Variants in PCSK7 observed in about 807,000 individuals in gnomAD.
PCSK7 encodes proprotein convertase subtilisin/kexin type 7.
Under a neutral mutation model 73.3 loss-of-function variants are expected in PCSK7, and 38 were observed. That is an observed-to-expected ratio of 0.52 (90% CI 0.40 to 0.68). PCSK7 has a LOEUF of 0.68. PCSK7 is among the 30% of genes least tolerant of loss of function. The pLI is 0.00. For missense variants in PCSK7, 692 were observed against 991.5 expected (o/e 0.70, Z 4.06); for synonymous variants, 296 against 383.8 (o/e 0.77, Z 2.68).
At chr11:117,223,404 G>T in intron 8 of PCSK7, 96 bp from the exon 9 acceptor site, 2 of 766,724 alleles carry the variant, frequency 2.6e-6, no homozygotes, top group African/African-American at 3.4e-5. Flanking sequence ...CCATCCTGGG[G>T]GGCTGTCCTG....
chr11:117,215,942 GCA>G lies in PCSK7; in HGVS notation c.1534+2522_1534+2523del, dbSNP rs1326828920. 1.3e-4 allele frequency: 20 copies of G among 152,066 alleles called. 1 individual carries two copies. The highest frequency in any genetic ancestry group is 4.8e-4 in the African/African-American group (20 of 41,484). The allele number at this position is 152,066 out of a possible 1,614,324, so 9.4% of individuals were successfully genotyped here. The stretch of plus-strand genomic sequence containing the variant: ...GCAACCATGGCTTACTGCAGCCTTG[GCA>G]TCCTGGGCTCAAGGAATCCTCCTGT... On this transcript the variant is annotated intron_variant, in intron 12 of 16. Coordinates refer to ENST00000320934, the MANE Select transcript of PCSK7 (RefSeq NM_004716.4).
At chr11:117,215,364 T>TTTTTTTTTTTTTTGTG (rs57433360) in intron 12 of PCSK7, 1 of 84,920 alleles carries the variant, frequency 1.2e-5, no homozygotes, top group Non-Finnish European at 2.0e-5. Flanking sequence ...CCTGGCTAAT[T>TTTTTTTTTTTTTTGTG]TGTGTGTGTG....
In PCSK7 at chr11:117,226,013, C is replaced by T. The variant is rs1304331787; in HGVS notation, c.778G>A (p.Val260Ile). The change falls in exon 6 of 17, where the codon GTA becomes ATA. Residue 260 changes from valine to isoleucine, a missense_variant. Around this residue, in one of 6 missense-constraint regions of PCSK7, gnomAD observed 574 missense variants for 689.8 expected, o/e 0.83. Transcript: ENST00000320934. ...AYGSRIAGIR[V>I]LDGPLTDSME... Reference sequence around the variant, plus strand: ...CTGTCTGTGAGAGGTCCATCCAGTACCCGGATACCTAGGCAATGAAGGCCA... The same window carrying T: ...CTGTCTGTGAGAGGTCCATCCAGTATCCGGATACCTAGGCAATGAAGGCCA... The T allele has an allele frequency of 1.3e-6, 2 of 1,599,246 alleles. No homozygotes were observed. Among genetic ancestry groups the T allele is most frequent in the East Asian group, 2.2e-5 (1 of 44,804 alleles).
intron 5 of PCSK7, 40 bp from the exon 6 acceptor site, chr11:117,226,061 G>T: frequency 2.6e-6 from 3 of 1,144,070 alleles, no homozygotes; most frequent in Non-Finnish European, 4.0e-6. Context: ...ACTAATGCTG[G>T]TCTCCTAGCC....
intron 6 of PCSK7, 46 bp from the exon 7 acceptor site, chr11:117,224,801 C>A (rs189150064): frequency 6.9e-7 from 1 of 1,440,966 alleles, no homozygotes; most frequent in Admixed American, 1.7e-5. Context: ...AGCCAGGCTG[C>A]GGCTACCCAC....
At chr11:117,223,677 T>G (rs1024321344) in intron 8 of PCSK7, 7 of 349,274 alleles carry the variant, frequency 2.0e-5, no homozygotes, top group Non-Finnish European at 3.7e-5. Context: ...AGTCCTAGTC[T>G]CGAGGAGCCT....
chr11:117,209,772 A>G (rs1355668766), intron 12 of PCSK7: 1 of 153,160 alleles, frequency 6.5e-6, no homozygotes, highest in African/African-American at 2.4e-5. Context: ...TGAGCCTGGG[A>G]GGTGGAGATT....
chr11:117,223,951 C>T, intron 8 of PCSK7, 127 bp downstream of exon 8: 2 of 979,298 alleles, frequency 2.0e-6, no homozygotes, highest in Admixed American at 1.8e-5. Flanking sequence ...CAGGGCTAGT[C>T]CTATCTGAGC....
rs36014587 is a variant in PCSK7, at chr11:117,204,760, C to CAAAA, written c.*1233_*1236dup. 1.1e-4 allele frequency: 20 copies of CAAAA among 175,080 alleles called. No individual in the cohort carries two copies. Among genetic ancestry groups the CAAAA allele is most frequent in the African/African-American group, 2.8e-4 (10 of 35,910 alleles). The allele number at this position is 175,080 out of a possible 1,614,324, so 10.8% of individuals were successfully genotyped here. On this transcript the variant is annotated 3_prime_UTR_variant, in exon 17 of 17. Coordinates refer to ENST00000320934, the MANE Select transcript of PCSK7 (RefSeq NM_004716.4). ...CTGGAATATTTTTGGGGTTGGAACT[C>CAAAA]AAAAAAAAAAAAAAAAAATCAATCT...
At chr11:117,211,531 C>G (rs2031730731) in intron 12 of PCSK7, 1 of 152,220 alleles carries the variant, frequency 6.6e-6, no homozygotes, top group South Asian at 2.1e-4. Flanking sequence ...TTTCCCACAA[C>G]CCCTCAAGCT....
chr11:117,211,971 A>C (rs144551902), intron 12 of PCSK7: 1 of 152,388 alleles, frequency 6.6e-6, no homozygotes, highest in Admixed American at 6.5e-5. Flanking sequence ...TTAAGGCTAC[A>C]TATGTATCAG....
chr11:117,215,380 G>GTGTGTGTGTGTGTGTATATATA (rs1164738557), intron 12 of PCSK7: 9 of 55,884 alleles, frequency 1.6e-4, no homozygotes, highest in Non-Finnish European at 2.2e-4. Context: ...GTGTGTGTGT[G>GTGTGTGTGTGTGTGTATATATA]TATATATATA....
At chr11:117,226,188 G>C in intron 5 of PCSK7, 167 bp from the exon 6 acceptor site, 1 of 605,826 alleles carries the variant, frequency 1.7e-6, no homozygotes, top group Non-Finnish European at 2.9e-6. Context: ...CCAGACTGGA[G>C]TGCAGTGGCA....
At position 117,204,395 on chromosome 11, in the gene PCSK7, C is replaced by G; in HGVS notation, c.*1602G>C. ...GCTAGCCCTGAGCCCGGCCCTCCCC[C>G]AGCTCCTTGGCTGCAGCCATCCCGC... On this transcript the variant is annotated 3_prime_UTR_variant, in exon 17 of 17. Coordinates refer to ENST00000320934, the MANE Select transcript of PCSK7 (RefSeq NM_004716.4). The G allele has an allele frequency of 1.2e-6, 2 of 1,614,054 alleles. No individual in the cohort carries two copies. The highest frequency in any genetic ancestry group is 1.7e-6 in the Non-Finnish European group (2 of 1,179,934).
chr11:117,225,830 C>T lies in PCSK7; in HGVS notation c.860+101G>A, dbSNP rs553246616. 5.1e-5 allele frequency: 38 copies of T among 746,124 alleles called. No individual in the cohort carries two copies. The East Asian group carries it at 9.6e-4, about 19-fold the overall frequency. 46.2% of individuals were successfully genotyped at this position (746,124 alleles called of 1,614,324 possible). A position where few individuals can be genotyped will look rare whatever the true frequency, so the allele number is the denominator to read the frequency against. ...TTATTAGCTGAACCCAATGAGGAGA[C>T]CCCTGCTCCGGCCTAAGTCAGCCCA... On this transcript the variant is annotated intron_variant, in intron 6 of 16. Coordinates refer to ENST00000320934, the MANE Select transcript of PCSK7 (RefSeq NM_004716.4).
rs2031285399 is a variant in PCSK7, at chr11:117,204,985, T to C, written c.*1012A>G. ...AGGCCATAGAACAGGAGAGTGAATC[T>C]TGGGGACCGAAGGGAAAAAGGAGCC... On this transcript the variant is annotated 3_prime_UTR_variant, in exon 17 of 17. Transcript: ENST00000320934. 1 of 194,648 alleles carries C rather than the reference T, an allele frequency of 5.1e-6. No homozygotes were observed. The highest frequency in any genetic ancestry group is 8.2e-5 in the East Asian group (1 of 12,216). 12.1% of individuals were successfully genotyped at this position (194,648 alleles called of 1,614,324 possible).
In PCSK7 at chr11:117,227,331, T is replaced by C. The variant is rs1398393636; in HGVS notation, c.604-9A>G. On this transcript the variant is annotated splice_polypyrimidine_tract_variant and intron_variant, in intron 4 of 16. Transcript: ENST00000320934. Reference sequence around the variant, plus strand: ...TAGCTACCCTCAGGGCTCTGAAATATTTTGGAGGTGACATGTGGTCATTCA... The same window carrying C: ...TAGCTACCCTCAGGGCTCTGAAATACTTTGGAGGTGACATGTGGTCATTCA... The C allele has an allele frequency of 6.2e-7, 1 of 1,611,428 alleles. No individual in the cohort carries two copies. Among genetic ancestry groups the C allele is most frequent in the South Asian group, 1.1e-5 (1 of 91,036 alleles).
chr11:117,230,157 C>T (rs985253397), intron 2 of PCSK7, 192 bp downstream of exon 2: 3 of 331,974 alleles, frequency 9.0e-6, no homozygotes, highest in Non-Finnish European at 1.7e-5. Flanking sequence ...GCACTGCGAG[C>T]AACCCCTGTT....
chr11:117,213,020 G>C (rs1367125767), intron 12 of PCSK7: 2 of 152,306 alleles, frequency 1.3e-5, no homozygotes, highest in African/African-American at 4.8e-5. Context: ...CTGGCCACCA[G>C]TTTCTTTGAG....
Sources: gnomAD v4.1 joint callset for allele counts on GRCh38, gnomAD v4.1.1 for gene constraint, gnomAD v4.1.1 regional missense constraint, MANE v1.5 for transcripts, NCBI Gene and HGNC (gene_info 2026-07-23, HGNC 2026-07-21) for gene names.